Variants in OSMR observed in about 807,000 individuals in gnomAD.
OSMR encodes the protein oncostatin-M-specific receptor subunit beta.
A neutral mutation model predicts 99.9 loss-of-function variants in OSMR; 81 were observed. The ratio of observed to expected loss-of-function variants is 0.81; its 90% CI spans 0.68 to 0.97. OSMR has a LOEUF of 0.97. Among genes scored for constraint, OSMR ranks in the 50% least tolerant of loss-of-function variants. The probability of loss-of-function intolerance (pLI) is 0.00; values close to 1 mark genes in which losing one functional copy is unlikely to be tolerated. For missense variants in OSMR, 1,099 were observed against 1,153.4 expected (o/e 0.95, Z 0.68); for synonymous variants, 406 against 410.4 (o/e 0.99, Z 0.13).
At chr5:38,861,961 C>T (rs1434592490) in intron 1 of OSMR, among the ~76,000 whole-genome samples, 4 of 129,204 alleles carry the variant, frequency 3.1e-5, no homozygotes, top group South Asian at 2.6e-4. Flanking sequence ...GGTGGCTGGC[C>T]GGGCGGGGGA....
At chr5:38,936,325 T>TAATA (rs1482461504), downstream of OSMR, among the ~76,000 whole-genome samples, 2 of 152,154 alleles carry the variant, frequency 1.3e-5, no homozygotes, top group Non-Finnish European at 2.9e-5. Flanking sequence ...CTAATAGTCA[T>TAATA]AATATTGTTA....
At chr5:38,876,417 A>G (rs754525993) in intron 3 of OSMR, 44 bp downstream of exon 3, 2 of 1,513,984 alleles carry the variant, frequency 1.3e-6, no homozygotes, top group East Asian at 2.3e-5. Flanking sequence ...TCATCTTTAA[A>G]AAAAGACACC....
chr5:38,861,998 G>C (rs1466902083), intron 1 of OSMR, among the ~76,000 whole-genome samples: 1 of 127,306 alleles, frequency 7.9e-6, no homozygotes. Flanking sequence ...CCTCCCGGAC[G>C]GGGCGGCTGG....
At chr5:38,940,738 C>A (rs973260428) in intron 1 of OSMR, 1 of 232,436 alleles carries the variant, frequency 4.3e-6, no homozygotes, top group Non-Finnish European at 8.5e-6. Context: ...ATGCTTCATC[C>A]CAACTGGAAC....
chr5:38,918,660 T>A, intron 10 of OSMR, 180 bp from the exon 11 acceptor site: 1 of 819,344 alleles, frequency 1.2e-6, no homozygotes, highest in Non-Finnish European at 1.5e-6. Flanking sequence ...TCACCTTCAG[T>A]TAGATTTGAA....
At chr5:38,856,972 G>T (rs1022304927) in intron 1 of OSMR, among the ~76,000 whole-genome samples, 9 of 152,118 alleles carry the variant, frequency 5.9e-5, no homozygotes, top group Non-Finnish European at 8.8e-5. Context: ...ATTCTCAAAG[G>T]CTCTTCTTTG....
chr5:38,851,557 G>T (rs748887565), intron 1 of OSMR, among the ~76,000 whole-genome samples: 1 of 152,168 alleles, frequency 6.6e-6, no homozygotes, highest in Non-Finnish European at 1.5e-5. Flanking sequence ...AGCAGCCTGG[G>T]GTGTGTGAAT....
rs1746418439 is a variant in OSMR at position 38,925,214 on chromosome 5, A to G, written c.2055A>G (p.Glu685=). The stretch of plus-strand genomic sequence containing the variant: ...TTTAAAAAATCACAGATGGTTCAGA[A>G]TGTTGCAAATACAAAATTGACAACC... ...FEKAVLSDGS[E]CCKYKIDNPE... The change falls in exon 15 of 18, where the codon GAA becomes GAG. Residue 685 remains glutamate (E), a synonymous_variant. Coordinates refer to ENST00000274276, the MANE Select transcript of OSMR (RefSeq NM_003999.3). The G allele has an allele frequency of 5.6e-6, 9 of 1,613,974 alleles. No homozygotes were observed. The highest frequency in any genetic ancestry group is 2.7e-5 in the African/African-American group (2 of 74,920).
chr5:38,916,974 T>G (rs1350032551), intron 9 of OSMR, among the ~76,000 whole-genome samples: 1 of 151,908 alleles, frequency 6.6e-6, no homozygotes, highest in Non-Finnish European at 1.5e-5. Flanking sequence ...AAATGCTGGG[T>G]GCTGCAGGTG....
intron 1 of OSMR, among the ~76,000 whole-genome samples, chr5:38,847,305 G>A (rs1739925357): frequency 6.6e-6 from 1 of 152,172 alleles, no homozygotes; most frequent in Non-Finnish European, 1.5e-5. Flanking sequence ...CCTATTCTAA[G>A]CACTTGACAT....
chr5:38,882,299 G>T (rs1400244642), intron 4 of OSMR, among the ~76,000 whole-genome samples: 2 of 152,214 alleles, frequency 1.3e-5, no homozygotes, highest in South Asian at 2.1e-4. Flanking sequence ...ACAGGGCCAG[G>T]CATGGTGGCT....
At chr5:38,891,481 A>G (rs1744154476) in intron 7 of OSMR, among the ~76,000 whole-genome samples, 1 of 152,222 alleles carries the variant, frequency 6.6e-6, no homozygotes, top group South Asian at 2.1e-4. Flanking sequence ...AGCAGGCCCC[A>G]TGGAGAACAG....
At chr5:38,917,685 T>G (rs971218227) in intron 10 of OSMR, 63 bp downstream of exon 10, 15 of 1,318,678 alleles carry the variant, frequency 1.1e-5, no homozygotes, top group Non-Finnish European at 1.6e-5. Context: ...GAAACAAATG[T>G]GTCTTCCTCT....
chr5:38,871,212 C>T (rs930651015), intron 2 of OSMR, among the ~76,000 whole-genome samples: 1 of 152,212 alleles, frequency 6.6e-6, no homozygotes, highest in Non-Finnish European at 1.5e-5. Flanking sequence ...TAGTGAAGTT[C>T]CCTTTTCTGA....
chr5:38,942,221 T>C, intron 1 of OSMR: 2 of 767,956 alleles, frequency 2.6e-6, no homozygotes, highest in Non-Finnish European at 4.4e-6. Context: ...TGCTGCCTAG[T>C]CAGTCGTATT....
At chr5:38,898,563 G>A (rs1215130855) in intron 7 of OSMR, among the ~76,000 whole-genome samples, 1 of 152,060 alleles carries the variant, frequency 6.6e-6, no homozygotes, top group Admixed American at 6.6e-5. Flanking sequence ...GCCACTCTAT[G>A]TCTTTTGATT....
chr5:38,860,575 G>A (rs913499854), intron 1 of OSMR, among the ~76,000 whole-genome samples: 18 of 152,246 alleles, frequency 1.2e-4, no homozygotes, highest in African/African-American at 3.9e-4. Context: ...GGTAATGTGA[G>A]CCTTGTAGAA....
chr5:38,922,763 A>G (rs932573690), intron 12 of OSMR, among the ~76,000 whole-genome samples: 1 of 151,798 alleles, frequency 6.6e-6, no homozygotes, highest in African/African-American at 2.4e-5. Context: ...GCACAAATTT[A>G]TTTTTCATTC....
intron 1 of OSMR, among the ~76,000 whole-genome samples, chr5:38,858,796 C>T (rs965937823): frequency 1.3e-5 from 2 of 152,188 alleles, no homozygotes; most frequent in Non-Finnish European, 2.9e-5. Flanking sequence ...TTGATACTAG[C>T]CATTCTAACT....
Sources: gnomAD v4.1 joint callset for allele counts (sites outside exome capture counted in the v4.1 genomes callset) on GRCh38, gnomAD v4.1.1 for gene constraint, MANE v1.5 for transcripts, NCBI Gene and HGNC (gene_info 2026-07-23, HGNC 2026-07-21) for gene names.